Variants in SMARCA2 observed in about 807,000 individuals in gnomAD.
SMARCA2 encodes the protein SWI/SNF related BAF chromatin remodeling complex subunit ATPase 2.
In SMARCA2, 61 loss-of-function variants were observed where a neutral mutation model predicts 199.8. The observed-to-expected ratio is 0.31, with a 90% CI of 0.25 to 0.38. The LOEUF (loss-of-function observed/expected upper bound fraction) is 0.38. Among genes scored for constraint, SMARCA2 ranks in the 10% least tolerant of loss-of-function variants. The pLI is 1.00. For missense variants in SMARCA2, 1,344 were observed against 2,012.2 expected (o/e 0.67, Z 6.35); for synonymous variants, 935 against 732.0 (o/e 1.28, Z -4.48).
chr9:2,071,316 A>G (rs766155175), intron 10 of SMARCA2, among the ~76,000 whole-genome samples: 18 of 152,322 alleles, frequency 1.2e-4, no homozygotes, highest in African/African-American at 3.8e-4. Flanking sequence ...CTTAACCACT[A>G]TAATCTATCA....
chr9:2,174,795 C>T (rs917892081), intron 29 of SMARCA2, among the ~76,000 whole-genome samples: 1 of 151,658 alleles, frequency 6.6e-6, no homozygotes, highest in African/African-American at 2.4e-5. Flanking sequence ...TGGCATACTC[C>T]AGTAGTCCTG....
intron 24 of SMARCA2, among the ~76,000 whole-genome samples, chr9:2,114,335 C>G (rs547936959): frequency 6.6e-6 from 1 of 152,106 alleles, no homozygotes; most frequent in Non-Finnish European, 1.5e-5. Context: ...AGAAGTTTTG[C>G]CTAATTGGCT....
intron 24 of SMARCA2, among the ~76,000 whole-genome samples, chr9:2,114,636 G>A (rs1184787644): frequency 1.3e-5 from 2 of 152,198 alleles, no homozygotes; most frequent in Admixed American, 6.5e-5. Flanking sequence ...CACATGCCAA[G>A]AAGTTTTTAT....
At chr9:2,036,406 T>A (rs1354438596) in intron 3 of SMARCA2, among the ~76,000 whole-genome samples, 2 of 152,180 alleles carry the variant, frequency 1.3e-5, no homozygotes, top group Non-Finnish European at 2.9e-5. Flanking sequence ...AAGAGCAGAA[T>A]CTGCATCAAC....
intron 27 of SMARCA2, among the ~76,000 whole-genome samples, chr9:2,154,280 T>A (rs1422479155): frequency 6.6e-6 from 1 of 151,584 alleles, no homozygotes; most frequent in Non-Finnish European, 1.5e-5. Context: ...GCAGGGACAA[T>A]GGTGGTAGTA....
intron 25 of SMARCA2, among the ~76,000 whole-genome samples, chr9:2,117,744 G>A (rs747231750): frequency 6.6e-5 from 10 of 152,170 alleles, no homozygotes; most frequent in Non-Finnish European, 1.3e-4. Context: ...GGGGCCTGAC[G>A]TGCACTCCCC....
intron 27 of SMARCA2, among the ~76,000 whole-genome samples, chr9:2,135,033 C>T (rs1030869938): frequency 1.3e-5 from 2 of 152,146 alleles, no homozygotes; most frequent in South Asian, 2.1e-4. Flanking sequence ...GGCCTTGACT[C>T]GTGCAAGAAA....
At chr9:2,138,032 T>C (rs1041094015) in intron 27 of SMARCA2, among the ~76,000 whole-genome samples, 4 of 152,178 alleles carry the variant, frequency 2.6e-5, no homozygotes, top group African/African-American at 9.7e-5. Flanking sequence ...TCCATTCTAA[T>C]TTCAGAACAT....
At chr9:2,178,933 A>G (rs922245195) in intron 29 of SMARCA2, among the ~76,000 whole-genome samples, 2 of 152,196 alleles carry the variant, frequency 1.3e-5, no homozygotes, top group East Asian at 1.9e-4. Context: ...TGTAGGGAGG[A>G]GAGAAACAAT....
At chr9:2,098,979 T>G (rs921203111) in intron 21 of SMARCA2, among the ~76,000 whole-genome samples, 8 of 151,368 alleles carry the variant, frequency 5.3e-5, no homozygotes, top group African/African-American at 1.9e-4. Flanking sequence ...GTTATTTACA[T>G]GTATTGTTGA....
intron 31 of SMARCA2, among the ~76,000 whole-genome samples, chr9:2,184,553 C>G (rs1028774644): frequency 6.6e-6 from 1 of 151,578 alleles, no homozygotes; most frequent in African/African-American, 2.4e-5. Flanking sequence ...TGGGGTTTCA[C>G]CATGTTGGCC....
At chr9:2,028,581 A>G (rs1818930225) in intron 1 of SMARCA2, among the ~76,000 whole-genome samples, 1 of 152,124 alleles carries the variant, frequency 6.6e-6, no homozygotes, top group South Asian at 2.1e-4. Flanking sequence ...ATACTTTTTA[A>G]AGGGTTCTGT....
chr9:2,138,976 G>A (rs1295386315), intron 27 of SMARCA2, among the ~76,000 whole-genome samples: 3 of 152,196 alleles, frequency 2.0e-5, no homozygotes, highest in East Asian at 3.8e-4. Context: ...GGGTTCCCTA[G>A]CATATCTGTA....
At chr9:2,108,134 C>T (rs1250521882) in intron 23 of SMARCA2, among the ~76,000 whole-genome samples, 1 of 152,148 alleles carries the variant, frequency 6.6e-6, no homozygotes, top group Non-Finnish European at 1.5e-5. Context: ...GTTTTTGGCT[C>T]TCCAACATCA....
intron 32 of SMARCA2, among the ~76,000 whole-genome samples, chr9:2,188,660 C>G (rs538516385): frequency 3.3e-4 from 50 of 152,288 alleles, no homozygotes; most frequent in Non-Finnish European, 6.2e-4. Flanking sequence ...GCTGCTATAA[C>G]AAATTACCAC....
At chr9:2,090,490 C>G (rs1822006595) in intron 19 of SMARCA2, among the ~76,000 whole-genome samples, 1 of 152,142 alleles carries the variant, frequency 6.6e-6, no homozygotes. Context: ...AGTCTTCTAA[C>G]CTAAATGGGT....
At chr9:2,159,201 C>A (rs879158719) in intron 27 of SMARCA2, among the ~76,000 whole-genome samples, 1 of 152,218 alleles carries the variant, frequency 6.6e-6, no homozygotes, top group Admixed American at 6.5e-5. Context: ...GTAGAAATAT[C>A]CTTTTTACAA....
intron 1 of SMARCA2, among the ~76,000 whole-genome samples, chr9:2,026,878 A>G (rs905028203): frequency 2.6e-5 from 4 of 152,192 alleles, no homozygotes; most frequent in African/African-American, 9.7e-5. Flanking sequence ...TTTGTTCATC[A>G]CAAAGAATAA....
chr9:2,181,289 ATAAAGAGATAT>A (rs1827004857), intron 29 of SMARCA2: 1 of 239,040 alleles, frequency 4.2e-6, no homozygotes, highest in Admixed American at 5.6e-5. Context: ...TTCTATCAAA[ATAAAGAGATAT>A]ATTTGCTCTG....
Sources: gnomAD v4.1 joint callset for allele counts (sites outside exome capture counted in the v4.1 genomes callset) on GRCh38, gnomAD v4.1.1 for gene constraint, MANE v1.5 for transcripts, NCBI Gene and HGNC (gene_info 2026-07-23, HGNC 2026-07-21) for gene names.